The following BABAM2 variants were observed in gnomAD, a reference collection of about 807,000 sequenced individuals.
BABAM2 encodes BRISC and BRCA1 A complex member 2, also known as BRISC and BRCA1-A complex member 2.
Under a neutral mutation model 54.7 loss-of-function variants are expected in BABAM2, and 31 were observed. The observed-to-expected ratio is 0.57, with a 90% CI of 0.43 to 0.77. BABAM2 has a LOEUF of 0.77. Ranked by LOEUF, BABAM2 falls within the 30% of genes least tolerant of loss-of-function variation. The pLI is 0.00. For missense variants in BABAM2, 364 were observed against 455.8 expected, an observed-to-expected ratio of 0.80 and a Z score of 1.83; for synonymous variants, 167 against 162.9, an observed-to-expected ratio of 1.03 and a Z score of -0.19.
rs1259425129 is a variant in BABAM2, at chr2:27,929,916, A to G, written c.205+8A>G. 6.2e-7 allele frequency: 1 copy of G among 1,604,602 alleles called. No homozygotes were observed. The highest frequency in any genetic ancestry group is 1.3e-5 in the African/African-American group (1 of 74,824). On this transcript the variant is annotated splice_region_variant and intron_variant, in intron 3 of 11. Coordinates refer to ENST00000379624, the MANE Select transcript of BABAM2 (RefSeq NM_199191.3). ...CTGGAGAGACATTAAAGTGTAAGTA[A>G]ATGATGACTATTTTACTCAAAATGT...
At chr2:28,174,751 A>T (rs1384953944) in intron 7 of BABAM2, among the ~76,000 whole-genome samples, 1 of 152,164 alleles carries the variant, frequency 6.6e-6, no homozygotes, top group Non-Finnish European at 1.5e-5. Context: ...TCCCACATGC[A>T]TCCCCTGAGT....
intron 5 of BABAM2, among the ~76,000 whole-genome samples, chr2:28,026,843 A>AATATATATATATATATATATAT: frequency 2.5e-5 from 1 of 40,650 alleles, no homozygotes; most frequent in Non-Finnish European, 4.7e-5. Context: ...AATATATATA[A>AATATATATATATATATATATAT]ATATATATTT....
chr2:27,950,264 A>G (rs1669608406), intron 3 of BABAM2, among the ~76,000 whole-genome samples: 1 of 152,244 alleles, frequency 6.6e-6, no homozygotes, highest in Non-Finnish European at 1.5e-5. Context: ...TTAAGATTTT[A>G]AAATATCTTG....
chr2:28,257,759 C>T (rs1249500106), intron 10 of BABAM2, among the ~76,000 whole-genome samples: 3 of 152,144 alleles, frequency 2.0e-5, no homozygotes, highest in Admixed American at 1.3e-4. Context: ...GTGACATGCA[C>T]CTGTAGTCTC....
At chr2:28,002,625 G>T (rs1673653848) in intron 4 of BABAM2, among the ~76,000 whole-genome samples, 1 of 151,690 alleles carries the variant, frequency 6.6e-6, no homozygotes, top group Admixed American at 6.6e-5. Flanking sequence ...ACACATCATG[G>T]CAAATTACAG....
chr2:27,937,215 C>T lies in BABAM2; in HGVS notation c.205+7307C>T, dbSNP rs186179999. On this transcript the variant is annotated intron_variant, in intron 3 of 11. Transcript: ENST00000379624. ...AATGCCTAATACAATGTAAATTCTA[C>T]GTAGATAGCTGTGATATGGTATTGT... 1.1e-4 allele frequency among the ~76,000 whole-genome samples: 16 copies of T among 152,252 alleles called. No individual in the cohort carries two copies. The East Asian group carries it at 1.5e-3, about 15-fold the overall frequency.
intron 3 of BABAM2, among the ~76,000 whole-genome samples, chr2:27,951,125 C>A (rs1013242135): frequency 6.6e-6 from 1 of 152,138 alleles, no homozygotes; most frequent in African/African-American, 2.4e-5. Flanking sequence ...TTGGTTTCAT[C>A]CATCTTCTCT....
At chr2:28,114,600 C>T (rs1325191557) in intron 6 of BABAM2, among the ~76,000 whole-genome samples, 1 of 152,218 alleles carries the variant, frequency 6.6e-6, no homozygotes, top group African/African-American at 2.4e-5. Flanking sequence ...ATGCTTGTCA[C>T]AATGCCTTAC....
At chr2:28,052,778 G>A (rs1477727310) in intron 6 of BABAM2, among the ~76,000 whole-genome samples, 1 of 152,126 alleles carries the variant, frequency 6.6e-6, no homozygotes, top group Non-Finnish European at 1.5e-5. Context: ...AAAAAACAAA[G>A]TGTGTGTATG....
chr2:28,129,066 T>C (rs1558365507), intron 6 of BABAM2, among the ~76,000 whole-genome samples: 1 of 152,188 alleles, frequency 6.6e-6, no homozygotes, highest in Non-Finnish European at 1.5e-5. Context: ...TTCGCTTTGC[T>C]GTGGTGGGCT....
intron 6 of BABAM2, among the ~76,000 whole-genome samples, chr2:28,115,467 A>G (rs1024653875): frequency 2.0e-5 from 3 of 151,974 alleles, no homozygotes; most frequent in African/African-American, 7.3e-5. Flanking sequence ...TCTACTAAAA[A>G]TACAAAAAAT....
At chr2:28,044,238 T>C (rs1356946777) in intron 5 of BABAM2, among the ~76,000 whole-genome samples, 1 of 152,198 alleles carries the variant, frequency 6.6e-6, no homozygotes, top group Non-Finnish European at 1.5e-5. Flanking sequence ...ATAACCTTTT[T>C]TGTTTTTTGA....
intron 3 of BABAM2, among the ~76,000 whole-genome samples, chr2:27,964,942 G>A (rs1393795655): frequency 1.3e-5 from 2 of 152,126 alleles, no homozygotes. Flanking sequence ...CTAATATAAG[G>A]AACTGCTTTG....
intron 10 of BABAM2, among the ~76,000 whole-genome samples, chr2:28,295,908 G>A (rs1363966996): frequency 9.2e-5 from 14 of 152,124 alleles, no homozygotes; most frequent in Non-Finnish European, 1.0e-4. Context: ...AGGAGTTCAA[G>A]ACCAGCCTGA....
chr2:28,305,572 T>C (rs1373892304), intron 11 of BABAM2, among the ~76,000 whole-genome samples: 2 of 152,220 alleles, frequency 1.3e-5, no homozygotes, highest in African/African-American at 4.8e-5. Flanking sequence ...AAAGTATTCC[T>C]TCCTCCCTTG....
chr2:28,184,263 C>CTCTCTCT (rs1676004291), intron 7 of BABAM2, among the ~76,000 whole-genome samples: 1 of 59,374 alleles, frequency 1.7e-5, no homozygotes, highest in Non-Finnish European at 3.1e-5. Flanking sequence ...TCCCTCCCTC[C>CTCTCTCT]CTCTCTCTCT....
intron 2 of BABAM2, among the ~76,000 whole-genome samples, chr2:27,928,510 C>T (rs529404539): frequency 5.9e-5 from 9 of 152,190 alleles, no homozygotes; most frequent in Admixed American, 1.3e-4. Flanking sequence ...AAATCTTTAA[C>T]GTGGGGTCTG....
chr2:28,129,319 T>C lies in BABAM2; in HGVS notation c.619T>C (p.Phe207Leu). The C allele has an allele frequency of 6.2e-7, 1 of 1,614,150 alleles. No individual in the cohort carries two copies. The highest frequency in any genetic ancestry group is 2.2e-5 in the East Asian group (1 of 44,884). ...AGATGTGGCCCTCCTCTCTGTTAGT[T>C]TTGAGGACACTGAAGCCACCCAGGT... Reference protein sequence around the residue: ...GEDVALLSVSFEDTEATQVYP... With the variant: ...GEDVALLSVSLEDTEATQVYP... The change falls in exon 7 of 12, where the codon TTT becomes CTT. Residue 207 changes from phenylalanine (F) to leucine (L), a missense_variant. Transcript: ENST00000379624.
intron 3 of BABAM2, among the ~76,000 whole-genome samples, chr2:27,934,514 G>A (rs1668351370): frequency 6.6e-6 from 1 of 152,202 alleles, no homozygotes; most frequent in South Asian, 2.1e-4. Context: ...TGTCCTCTAA[G>A]TGTTCAAGTG....
Sources: allele counts gnomAD v4.1 joint callset (sites outside exome capture counted in the v4.1 genomes callset), GRCh38; gene constraint gnomAD v4.1.1; transcripts MANE v1.5; gene names NCBI Gene and HGNC (gene_info 2026-07-23, HGNC 2026-07-21).